The following NIN variants were observed in gnomAD, a reference collection of about 807,000 sequenced individuals.
The protein encoded by NIN is glycogen synthase kinase 3 beta-interacting protein.
In NIN, 137 loss-of-function variants were observed where a neutral mutation model predicts 257.6. That is an observed-to-expected ratio of 0.53 (90% CI 0.46 to 0.61). The LOEUF is 0.61. Ranked by LOEUF, NIN falls within the 20% of genes least tolerant of loss-of-function variation. NIN has a pLI of 0.00. For synonymous variants in NIN, 918 were observed against 919.8 expected, an observed-to-expected ratio of 1.00 and a Z score of 0.04; for missense variants, 2,439 against 2,501.2, an observed-to-expected ratio of 0.98 and a Z score of 0.53.
chr14:50,830,186 T>C, intron 2 of NIN, among the ~76,000 whole-genome samples: 1 of 152,046 alleles, frequency 6.6e-6, no homozygotes, highest in East Asian at 1.9e-4. Context: ...CCCCTTCTGC[T>C]CCCTCGGGGA....
chr14:50,812,443 C>A (rs1478208068), intron 3 of NIN, among the ~76,000 whole-genome samples: 1 of 152,162 alleles, frequency 6.6e-6, no homozygotes, highest in Non-Finnish European at 1.5e-5. Flanking sequence ...AGGTGTAAAG[C>A]ACACACCAAG....
At chr14:50,825,952 C>T (rs1285582898) in intron 2 of NIN, among the ~76,000 whole-genome samples, 1 of 152,008 alleles carries the variant, frequency 6.6e-6, no homozygotes, top group Non-Finnish European at 1.5e-5. Context: ...TTTTCTAAAG[C>T]AGCTTTGGGA....
intron 10 of NIN, 118 bp from the exon 11 acceptor site, chr14:50,771,110 T>C: frequency 7.6e-7 from 1 of 1,319,526 alleles, no homozygotes; most frequent in Non-Finnish European, 1.0e-6. Context: ...ACCAAAACCC[T>C]CCCAAAGCAA....
chr14:50,794,160 C>T (rs1238683852), intron 4 of NIN, among the ~76,000 whole-genome samples: 3 of 152,194 alleles, frequency 2.0e-5, no homozygotes, highest in East Asian at 3.8e-4. Flanking sequence ...GGAGGACTGG[C>T]GACCCTCTTT....
intron 18 of NIN, 45 bp downstream of exon 18, chr14:50,756,447 A>C (rs1288913123): frequency 2.6e-6 from 4 of 1,534,320 alleles, no homozygotes; most frequent in Non-Finnish European, 3.5e-6. Context: ...AGATCTGGTG[A>C]GGTGCTCTGT....
intron 3 of NIN, among the ~76,000 whole-genome samples, chr14:50,821,168 C>CATAA (rs1267659551): frequency 1.4e-4 from 22 of 152,230 alleles, no homozygotes; most frequent in African/African-American, 4.8e-4. Flanking sequence ...ATAATAAAAG[C>CATAA]TATTAATTAT....
chr14:50,826,915 G>C (rs2045481880), intron 2 of NIN, among the ~76,000 whole-genome samples: 1 of 152,138 alleles, frequency 6.6e-6, no homozygotes, highest in Non-Finnish European at 1.5e-5. Flanking sequence ...GGACCTGTGT[G>C]CAGACATAGC....
chr14:50,785,796 T>C (rs2043321160), intron 5 of NIN, among the ~76,000 whole-genome samples: 1 of 152,236 alleles, frequency 6.6e-6, no homozygotes, highest in Non-Finnish European at 1.5e-5. Context: ...GGGCTGGCTA[T>C]TGTTTCTGCA....
Position 50,723,538 on chromosome 14 carries a change from C to G in NIN, c.6327G>C (p.Lys2109Asn). 1 of 1,613,874 alleles carries G rather than the reference C, an allele frequency of 6.2e-7. No homozygotes were observed. The highest frequency in any genetic ancestry group is 8.5e-7 in the Non-Finnish European group (1 of 1,179,846). Residue 2109 changes from lysine (K) to asparagine (N), a missense_variant, in exon 31 of 31, where the codon AAG (lysine) becomes AAC (asparagine). Transcript: ENST00000530997. Reference protein sequence around the residue: ...AEKKNYLLEEKIASLSNIVRN... With the variant: ...AEKKNYLLEENIASLSNIVRN... ...TAACTATATTACTGAGGCTGGCAAT[C>G]TTCTCCTCCAGGAGGTAATTTTTCT...
At chr14:50,781,697 G>A (rs929519654) in intron 5 of NIN, among the ~76,000 whole-genome samples, 4 of 152,164 alleles carry the variant, frequency 2.6e-5, no homozygotes, top group Non-Finnish European at 4.4e-5. Flanking sequence ...AGCTTCTGAC[G>A]ACTTCTGCCT....
chr14:50,751,328 A>G (rs1259269283), intron 21 of NIN, among the ~76,000 whole-genome samples: 2 of 152,198 alleles, frequency 1.3e-5, no homozygotes, highest in Non-Finnish European at 2.9e-5. Context: ...GTACATATGT[A>G]ATTTTGTTAG....
rs141739621 is a variant in NIN, at chr14:50,767,202, C to G, written c.1435-312G>C. ...CAAACTGTAAGTTTAAAATAGACAC[C>G]AGACTTTGAATAGCCCCAAAATGTA... On this transcript the variant is annotated intron_variant, in intron 12 of 30. Transcript: ENST00000530997. 4.2e-3 allele frequency among the ~76,000 whole-genome samples: 645 copies of G among 152,184 alleles called. 7 individuals are homozygous for G. Among genetic ancestry groups the G allele is most frequent in the African/African-American group, 0.015 (606 of 41,508 alleles).
chr14:50,784,166 G>C (rs971046765), intron 5 of NIN, among the ~76,000 whole-genome samples: 1 of 152,202 alleles, frequency 6.6e-6, no homozygotes. Context: ...TGGGTTGTTT[G>C]GCTCTGCCAC....
intron 18 of NIN, 80 bp downstream of exon 18, chr14:50,756,412 C>G: frequency 6.8e-7 from 1 of 1,465,916 alleles, no homozygotes; most frequent in Non-Finnish European, 9.1e-7. Context: ...GTTAGTTTCT[C>G]TAGGCACGGC....
chr14:50,799,318 T>C (rs2043979269), intron 4 of NIN, among the ~76,000 whole-genome samples: 2 of 152,220 alleles, frequency 1.3e-5, no homozygotes, highest in South Asian at 4.2e-4. Flanking sequence ...CCCAGGGAGC[T>C]CCAGCCACAC....
intron 3 of NIN, among the ~76,000 whole-genome samples, chr14:50,817,923 C>T (rs1039076442): frequency 1.1e-4 from 17 of 151,932 alleles, no homozygotes; most frequent in African/African-American, 4.1e-4. Context: ...ACAGTGTTGC[C>T]CAGGCTGCTC....
chr14:50,823,184 C>A, intron 2 of NIN: 1 of 548,738 alleles, frequency 1.8e-6, no homozygotes, highest in Non-Finnish European at 3.7e-6. Flanking sequence ...CATGACAGTT[C>A]ATTTTTAACG....
At chr14:50,782,006 A>T (rs1225447467) in intron 5 of NIN, among the ~76,000 whole-genome samples, 8 of 114,464 alleles carry the variant, frequency 7.0e-5, no homozygotes, top group Non-Finnish European at 1.0e-4. Context: ...CAACATAATT[A>T]AAAAAAAAAA....
intron 2 of NIN, among the ~76,000 whole-genome samples, chr14:50,827,692 G>A (rs1231273707): frequency 1.3e-5 from 2 of 148,782 alleles, no homozygotes; most frequent in Admixed American, 6.8e-5. Flanking sequence ...GGGAGGCAGA[G>A]GTTGCAGTGT....
Sources: allele counts gnomAD v4.1 joint callset (sites outside exome capture counted in the v4.1 genomes callset), GRCh38; gene constraint gnomAD v4.1.1; transcripts MANE v1.5; gene names NCBI Gene and HGNC (gene_info 2026-07-23, HGNC 2026-07-21).